The following LRRK1 variants were observed in gnomAD, a reference collection of about 807,000 sequenced individuals.
LRRK1 encodes the protein leucine-rich repeat serine/threonine-protein kinase 1.
In LRRK1, 113 loss-of-function variants were observed where a neutral mutation model predicts 209.1. The ratio of observed to expected loss-of-function variants is 0.54; its 90% CI spans 0.46 to 0.63. The LOEUF (loss-of-function observed/expected upper bound fraction) is 0.63, where lower values mean the gene tolerates loss of function less well. LRRK1 is among the 30% of genes least tolerant of loss of function. LRRK1 has a pLI of 0.00. For synonymous variants in LRRK1, 1,144 were observed against 1,099.7 expected (o/e 1.04, Z -0.80); for missense variants, 2,284 against 2,632.2 (o/e 0.87, Z 2.89).
At chr15:101,034,137 T>C (rs959549956) in intron 20 of LRRK1, among the ~76,000 whole-genome samples, 1 of 152,164 alleles carries the variant, frequency 6.6e-6, no homozygotes, top group Non-Finnish European at 1.5e-5. Context: ...TGTTTGAATT[T>C]CTTGTAAATT....
intron 6 of LRRK1, among the ~76,000 whole-genome samples, chr15:101,005,750 G>C (rs1487984279): frequency 6.6e-6 from 1 of 152,136 alleles, no homozygotes; most frequent in African/African-American, 2.4e-5. Flanking sequence ...CACCCCAGTG[G>C]GGCTCCCCCT....
intron 6 of LRRK1, among the ~76,000 whole-genome samples, chr15:101,005,110 T>C (rs1056612388): frequency 6.6e-6 from 1 of 152,196 alleles, no homozygotes; most frequent in African/African-American, 2.4e-5. Flanking sequence ...TCTGGACACC[T>C]TGATTCCATG....
intron 6 of LRRK1, among the ~76,000 whole-genome samples, chr15:101,000,377 T>A (rs148338866): frequency 6.6e-6 from 1 of 152,356 alleles, no homozygotes; most frequent in East Asian, 1.9e-4. Context: ...ATAATCTGTG[T>A]CAATGGAATG....
intron 2 of LRRK1, among the ~76,000 whole-genome samples, chr15:100,950,900 G>A (rs756539678): frequency 1.8e-4 from 27 of 152,124 alleles, no homozygotes; most frequent in South Asian, 4.1e-4. Context: ...TCAGGAGATC[G>A]AGACCATCCT....
At chr15:100,997,516 G>C (rs1045346886) in intron 6 of LRRK1, among the ~76,000 whole-genome samples, 1 of 152,158 alleles carries the variant, frequency 6.6e-6, no homozygotes, top group Non-Finnish European at 1.5e-5. Context: ...GTAAATCATG[G>C]CATGGAAACA....
chr15:101,061,119 G>A, intron 29 of LRRK1, 52 bp from the exon 30 acceptor site: 1 of 1,384,118 alleles, frequency 7.2e-7, no homozygotes, highest in Non-Finnish European at 1.0e-6. Context: ...TCAGGGAAAG[G>A]AGGCAGCCCC....
chr15:100,988,740 G>A lies in LRRK1; in HGVS notation c.540G>A (p.Pro180=), dbSNP rs200144474. ...KLLVLTHGAD[P]ESYAVRKNEF... ...TGGTCCTGACGCACGGGGCTGACCC[G>A]GAGAGCTACGCTGTCAGGAAGAATG... Residue 180 remains proline, a synonymous_variant, in exon 5 of 34, where the codon CCG becomes CCA. Coordinates refer to ENST00000388948, the MANE Select transcript of LRRK1 (RefSeq NM_024652.6). 25 of 1,613,964 alleles carry A rather than the reference G, an allele frequency of 1.5e-5. No individual in the cohort carries two copies. Among genetic ancestry groups the A allele is most frequent in the African/African-American group, 4.0e-5 (3 of 74,926 alleles).
chr15:100,979,063 C>G (rs2031457991), intron 3 of LRRK1, among the ~76,000 whole-genome samples: 6 of 152,106 alleles, frequency 3.9e-5, no homozygotes, highest in Admixed American at 3.9e-4. Context: ...GGAATTTATT[C>G]CAGAGATGCA....
In LRRK1 at chr15:100,962,818, T is replaced by TACAC. The variant is rs1596204775; in HGVS notation, c.98-10985_98-10984insCACA. Among the ~76,000 whole-genome samples the TACAC allele has an allele frequency of 6.9e-3, 228 of 33,214 alleles. 9 individuals carry two copies. Among genetic ancestry groups the TACAC allele is most frequent in the South Asian group, 0.011 (10 of 904 alleles). 21.8% of individuals were successfully genotyped at this position (33,214 alleles called of 152,430 possible). ...GCATATATATATATATATATATATATATATATTTTTTTTTTTTTTTTTGAG... is the reference window on the plus strand; with the variant it reads ...GCATATATATATATATATATATATATACACATATATTTTTTTTTTTTTTTTTGAG... On this transcript the variant is annotated intron_variant, in intron 2 of 33. Coordinates refer to ENST00000388948, the MANE Select transcript of LRRK1 (RefSeq NM_024652.6).
intron 20 of LRRK1, among the ~76,000 whole-genome samples, chr15:101,032,805 G>C (rs1585061): frequency 6.6e-6 from 1 of 152,206 alleles, no homozygotes. Context: ...AAAAATCAGT[G>C]ATGTGGGTTT....
intron 20 of LRRK1, among the ~76,000 whole-genome samples, chr15:101,045,374 G>C (rs2035012329): frequency 1.3e-5 from 2 of 152,282 alleles, no homozygotes; most frequent in Admixed American, 6.5e-5. Flanking sequence ...GACCTCCCAG[G>C]TTTCAGCCGT....
intron 20 of LRRK1, among the ~76,000 whole-genome samples, chr15:101,035,955 G>A (rs1056819118): frequency 1.3e-5 from 2 of 152,168 alleles, no homozygotes; most frequent in Non-Finnish European, 2.9e-5. Context: ...TTCTGCTGAG[G>A]AATCTGCTGT....
At chr15:101,008,520 C>G (rs2033082241) in intron 6 of LRRK1, among the ~76,000 whole-genome samples, 1 of 152,220 alleles carries the variant, frequency 6.6e-6, no homozygotes, top group Non-Finnish European at 1.5e-5. Context: ...TCCCGCCGCG[C>G]TCTTCCCTGT....
intron 2 of LRRK1, among the ~76,000 whole-genome samples, chr15:100,972,166 T>C (rs1342214131): frequency 6.6e-6 from 1 of 151,934 alleles, no homozygotes; most frequent in Admixed American, 6.5e-5. Flanking sequence ...TTTCACCATG[T>C]TGGCCAGGCT....
chr15:101,021,141 G>A lies in LRRK1; in HGVS notation c.1698G>A (p.Ser566=), dbSNP rs182944219. 1,877 of 1,613,992 alleles carry A rather than the reference G, an allele frequency of 1.2e-3. 17 individuals carry two copies. The highest frequency in any genetic ancestry group is 2.4e-4 in the Non-Finnish European group (287 of 1,179,974). ...NDNHLDTVPP[S]VCLLKSLSEL... ...ACCACCTCGACACAGTCCCTCCCTC[G>A]GTTTGCCTACTGAAGAGCTTATCAG... Residue 566 remains serine (S), a synonymous_variant, in exon 13 of 34, where the codon TCG becomes TCA. Coordinates refer to ENST00000388948, the MANE Select transcript of LRRK1 (RefSeq NM_024652.6).
chr15:100,945,536 C>T (rs1386638201), intron 2 of LRRK1, among the ~76,000 whole-genome samples: 1 of 113,876 alleles, frequency 8.8e-6, no homozygotes, highest in Admixed American at 1.3e-4. Context: ...CTCTGTCACT[C>T]AGGCTGGAGT....
chr15:100,965,801 A>G (rs1276171143), intron 2 of LRRK1, among the ~76,000 whole-genome samples: 1 of 152,206 alleles, frequency 6.6e-6, no homozygotes, highest in South Asian at 2.1e-4. Context: ...AGCAAGTAAG[A>G]TGCCTGAAAA....
rs114273378 is a variant in LRRK1 at position 101,004,335 on chromosome 15, C to T, written c.763-4502C>T. On this transcript the variant is annotated intron_variant, in intron 6 of 33. Transcript: ENST00000388948. ...GGGACTTTGGATGTTCTGCTAAAGGCGGAGTGGGCTAGGGAGAGCTGAAAG... is the reference window on the plus strand; with the variant it reads ...GGGACTTTGGATGTTCTGCTAAAGGTGGAGTGGGCTAGGGAGAGCTGAAAG... Among the ~76,000 whole-genome samples, 549 of 152,024 alleles carry T rather than the reference C, an allele frequency of 3.6e-3. 3 individuals are homozygous for T. Among genetic ancestry groups the T allele is most frequent in the African/African-American group, 0.012 (503 of 41,478 alleles).
At chr15:101,062,429 C>T in intron 30 of LRRK1, 145 bp from the exon 31 acceptor site, 1 of 625,946 alleles carries the variant, frequency 1.6e-6, no homozygotes, top group Non-Finnish European at 2.9e-6. Flanking sequence ...AATCCATAAA[C>T]AACCCACCAG....
Sources: allele counts gnomAD v4.1 joint callset (sites outside exome capture counted in the v4.1 genomes callset), GRCh38; gene constraint gnomAD v4.1.1; transcripts MANE v1.5; gene names NCBI Gene and HGNC (gene_info 2026-07-23, HGNC 2026-07-21).